Variants in PALM2AKAP2 observed in about 807,000 individuals in gnomAD.
The protein encoded by PALM2AKAP2 is PALM2 and AKAP2 fusion.
A neutral mutation model predicts 71.5 loss-of-function variants in PALM2AKAP2; 37 were observed. The ratio of observed to expected loss-of-function variants is 0.52; its 90% CI spans 0.40 to 0.68. The LOEUF is 0.68. Ranked by LOEUF, PALM2AKAP2 falls within the 30% of genes least tolerant of loss-of-function variation. The pLI is 0.00. For synonymous variants in PALM2AKAP2, 468 were observed against 478.8 expected, an observed-to-expected ratio of 0.98 and a Z score of 0.29; for missense variants, 1,224 against 1,191.8, an observed-to-expected ratio of 1.03 and a Z score of -0.40.
At chr9:109,817,201 T>C (rs1827875619) in intron 1 of PALM2AKAP2, among the ~76,000 whole-genome samples, 2 of 152,242 alleles carry the variant, frequency 1.3e-5, no homozygotes, top group African/African-American at 4.8e-5. Context: ...TGGGAAAACA[T>C]TCCAGTTGGC....
chr9:110,072,577 G>A (rs917083301), intron 1 of PALM2AKAP2, among the ~76,000 whole-genome samples: 7 of 152,236 alleles, frequency 4.6e-5, no homozygotes, highest in Non-Finnish European at 1.0e-4. Flanking sequence ...AGATGAAGAA[G>A]CCATTGGTTT....
intron 7 of PALM2AKAP2, among the ~76,000 whole-genome samples, chr9:110,035,658 TAGG>T (rs1564271696): frequency 6.4e-5 from 8 of 125,816 alleles, no homozygotes; most frequent in African/African-American, 2.2e-4. Context: ...ATAACATATA[TAGG>T]ATATGTTGTG....
intron 6 of PALM2AKAP2, among the ~76,000 whole-genome samples, chr9:109,992,539 C>T (rs1313050038): frequency 6.6e-6 from 1 of 152,182 alleles, no homozygotes; most frequent in Non-Finnish European, 1.5e-5. Context: ...CTATCTCAGC[C>T]TCCTGAGTAG....
intron 1 of PALM2AKAP2, among the ~76,000 whole-genome samples, chr9:109,835,061 G>A (rs1828420520): frequency 6.6e-6 from 1 of 151,980 alleles, no homozygotes; most frequent in Non-Finnish European, 1.5e-5. Flanking sequence ...GTCTGAGGCT[G>A]CCTGACTGCT....
intron 1 of PALM2AKAP2, among the ~76,000 whole-genome samples, chr9:109,748,768 C>T (rs897537998): frequency 1.3e-5 from 2 of 152,066 alleles, no homozygotes; most frequent in African/African-American, 4.8e-5. Context: ...TTTTTGCTCA[C>T]AATTCTGGAG....
At chr9:109,791,132 C>T (rs1465744470) in intron 1 of PALM2AKAP2, among the ~76,000 whole-genome samples, 1 of 152,138 alleles carries the variant, frequency 6.6e-6, no homozygotes, top group Non-Finnish European at 1.5e-5. Flanking sequence ...ATGTACTTTC[C>T]AATCTTACTG....
intron 1 of PALM2AKAP2, among the ~76,000 whole-genome samples, chr9:110,106,319 C>T (rs976784959): frequency 2.0e-5 from 3 of 152,142 alleles, no homozygotes; most frequent in Non-Finnish European, 4.4e-5. Flanking sequence ...GACAAGAAAT[C>T]AGAGAGTTGG....
At chr9:109,691,607 T>C (rs1827884654) in intron 1 of PALM2AKAP2, among the ~76,000 whole-genome samples, 1 of 151,498 alleles carries the variant, frequency 6.6e-6, no homozygotes, top group East Asian at 1.9e-4. Flanking sequence ...TTCTAGTCTA[T>C]GGTCTTCATT....
At chr9:109,799,021 C>T (rs1188901250) in intron 1 of PALM2AKAP2, among the ~76,000 whole-genome samples, 3 of 152,188 alleles carry the variant, frequency 2.0e-5, no homozygotes, top group African/African-American at 4.8e-5. Context: ...CAAAGACTCA[C>T]GGATCCCCTT....
chr9:109,904,741 G>A (rs542270325), intron 3 of PALM2AKAP2, among the ~76,000 whole-genome samples: 54 of 152,156 alleles, frequency 3.5e-4, no homozygotes, highest in Admixed American at 1.1e-3. Flanking sequence ...GCGGGAAGAG[G>A]CAGGCTGTTT....
chr9:109,815,693 C>T (rs1202842234), intron 1 of PALM2AKAP2, among the ~76,000 whole-genome samples: 1 of 152,144 alleles, frequency 6.6e-6, no homozygotes, highest in Non-Finnish European at 1.5e-5. Flanking sequence ...AATGGAAAAG[C>T]AGGTTCAGTG....
chr9:110,091,587 C>T (rs538830011), intron 1 of PALM2AKAP2, among the ~76,000 whole-genome samples: 22 of 151,120 alleles, frequency 1.5e-4, no homozygotes, highest in Admixed American at 2.0e-4. Context: ...CTCAGCCTCC[C>T]GAGTAGCTGG....
chr9:110,076,127 AT>A (rs1834315351), intron 1 of PALM2AKAP2, among the ~76,000 whole-genome samples: 1 of 151,938 alleles, frequency 6.6e-6, no homozygotes, highest in South Asian at 2.1e-4. Context: ...GTATTTTGAT[AT>A]TGTCTCTTTA....
In PALM2AKAP2 at chr9:110,019,188, C is replaced by T. The variant is rs114018458; in HGVS notation, c.582+3149C>T. Among the ~76,000 whole-genome samples the T allele has an allele frequency of 6.3e-3, 936 of 147,448 alleles. 12 individuals are homozygous for T. Among genetic ancestry groups the T allele is most frequent in the African/African-American group, 0.022 (885 of 39,554 alleles). ...CAGGGAGGCAGAGATTGCCGTGAGC[C>T]GAGTCTGCGCCACTGCACTCCAGCC... is the stretch of plus-strand genomic sequence containing the variant. On this transcript the variant is annotated intron_variant, in intron 7 of 9. Coordinates refer to the PALM2AKAP2 transcript ENST00000302798.
intron 1 of PALM2AKAP2, among the ~76,000 whole-genome samples, chr9:109,862,643 G>A (rs923217441): frequency 2.6e-5 from 4 of 152,196 alleles, no homozygotes; most frequent in Admixed American, 1.3e-4. Context: ...TCACAAACAA[G>A]TCCTAGTGGC....
intron 3 of PALM2AKAP2, among the ~76,000 whole-genome samples, chr9:109,917,704 G>C (rs1830726546): frequency 6.6e-6 from 1 of 151,942 alleles, no homozygotes; most frequent in Admixed American, 6.6e-5. Context: ...ACGTTGCTCA[G>C]GCTGGTCTCA....
chr9:110,075,999 A>G (rs1834312247), intron 1 of PALM2AKAP2, among the ~76,000 whole-genome samples: 1 of 152,158 alleles, frequency 6.6e-6, no homozygotes. Flanking sequence ...GAAATTTGAC[A>G]TTGATACAAT....
chr9:110,122,005 C>T (rs1835497063), intron 1 of PALM2AKAP2, among the ~76,000 whole-genome samples: 1 of 152,226 alleles, frequency 6.6e-6, no homozygotes. Context: ...GAAATGAGGC[C>T]TTCCCAAAGC....
chr9:110,010,277 G>A (rs112399830), intron 6 of PALM2AKAP2, among the ~76,000 whole-genome samples: 1 of 151,650 alleles, frequency 6.6e-6, no homozygotes, highest in Admixed American at 6.6e-5. Context: ...ATGTTGCTAG[G>A]GATTATAGGA....
Sources: gnomAD v4.1 joint callset for allele counts (sites outside exome capture counted in the v4.1 genomes callset) on GRCh38, gnomAD v4.1.1 for gene constraint, MANE v1.5 for transcripts, NCBI Gene and HGNC (gene_info 2026-07-23, HGNC 2026-07-21) for gene names.